The following ANKRD44 variants were observed in gnomAD, a reference collection of about 807,000 sequenced individuals.
The protein encoded by ANKRD44 is ankyrin repeat domain 44, also known as serine/threonine-protein phosphatase 6 regulatory ankyrin repeat subunit B.
In ANKRD44, 35 loss-of-function variants were observed where a neutral mutation model predicts 116.0. The ratio of observed to expected loss-of-function variants is 0.30; its 90% CI spans 0.23 to 0.40. The LOEUF (loss-of-function observed/expected upper bound fraction) is 0.40, where lower values mean the gene tolerates loss of function less well. ANKRD44 is among the 10% of genes least tolerant of loss of function. ANKRD44 has a pLI of 1.00. For missense variants in ANKRD44, 1,014 were observed against 1,242.6 expected (o/e 0.82, Z 2.77); for synonymous variants, 435 against 461.8 (o/e 0.94, Z 0.74).
At chr2:197,097,285 A>C (rs897391189) in intron 10 of ANKRD44, among the ~76,000 whole-genome samples, 18 of 152,198 alleles carry the variant, frequency 1.2e-4, no homozygotes, top group African/African-American at 4.3e-4. Flanking sequence ...AAAATTTCCC[A>C]AGTAACCCAA....
chr2:197,147,230 A>C, intron 2 of ANKRD44, 125 bp from the exon 3 acceptor site: 1 of 702,310 alleles, frequency 1.4e-6, no homozygotes, highest in Non-Finnish European at 2.5e-6. Context: ...AACACCAAAC[A>C]TTCGAGTAAC....
intron 24 of ANKRD44, 123 bp from the exon 25 acceptor site, chr2:196,998,542 T>A (rs1553613849): frequency 4.0e-6 from 3 of 747,406 alleles, no homozygotes; most frequent in Non-Finnish European, 6.6e-6. Flanking sequence ...ATATTTAATG[T>A]ATTTAAAGAA....
Position 196,988,135 on chromosome 2 carries a change from G to A in ANKRD44, c.*1456C>T. On this transcript the variant is annotated 3_prime_UTR_variant, in exon 28 of 28. Coordinates refer to ENST00000282272, the MANE Select transcript of ANKRD44 (RefSeq NM_001195144.2). ...TCTCATGGTGAGTCACTGCTTTGCTGAAATGATTCTTGTACTCTCTGCTAC... is the reference window on the plus strand; with the variant it reads ...TCTCATGGTGAGTCACTGCTTTGCTAAAATGATTCTTGTACTCTCTGCTAC... 1.0e-6 allele frequency: 1 copy of A among 985,322 alleles called. No homozygotes were observed. The highest frequency in any genetic ancestry group is 1.2e-6 in the Non-Finnish European group (1 of 829,904). The allele number at this position is 985,322 out of a possible 1,614,324, so 61.0% of individuals were successfully genotyped here. A position where few individuals can be genotyped will look rare whatever the true frequency, so the allele number is the denominator to read the frequency against.
chr2:197,204,378 A>G (rs560581351), intron 1 of ANKRD44, among the ~76,000 whole-genome samples: 1 of 152,310 alleles, frequency 6.6e-6, no homozygotes, highest in East Asian at 1.9e-4. Context: ...ATTGTTAACT[A>G]TCATTTTTGT....
chr2:196,997,808 GA>G (rs34898441), intron 25 of ANKRD44, among the ~76,000 whole-genome samples: 2 of 150,332 alleles, frequency 1.3e-5, no homozygotes, highest in Admixed American at 1.3e-4. Flanking sequence ...ACCACTATTT[GA>G]AAAAAAAAAT....
intron 1 of ANKRD44, among the ~76,000 whole-genome samples, chr2:197,246,333 T>C (rs2082189662): frequency 7.6e-6 from 1 of 131,104 alleles, no homozygotes; most frequent in African/African-American, 2.8e-5. Flanking sequence ...ACTACAAGTA[T>C]GCACCACTAC....
intron 18 of ANKRD44, 109 bp downstream of exon 18, chr2:197,013,402 G>T: frequency 1.6e-6 from 2 of 1,265,614 alleles, no homozygotes; most frequent in Non-Finnish European, 2.2e-6. Flanking sequence ...GATGTGGAAA[G>T]AAAATTGATA....
At chr2:196,970,147 A>G (rs917002616) in intron 21 of ANKRD44, among the ~76,000 whole-genome samples, 1 of 152,202 alleles carries the variant, frequency 6.6e-6, no homozygotes, top group African/African-American at 2.4e-5. Flanking sequence ...TCTTGCTCAG[A>G]GGAGAATGGG....
At chr2:197,004,531 T>C (rs1289017854) in intron 21 of ANKRD44, among the ~76,000 whole-genome samples, 1 of 152,110 alleles carries the variant, frequency 6.6e-6, no homozygotes, top group Non-Finnish European at 1.5e-5. Context: ...ATAGCCAGGG[T>C]ACTATTAGAT....
intron 1 of ANKRD44, among the ~76,000 whole-genome samples, chr2:197,234,232 G>A (rs1175112308): frequency 1.3e-5 from 2 of 148,512 alleles, no homozygotes; most frequent in African/African-American, 2.5e-5. Context: ...TTACTTAGTC[G>A]CCCAGGCTGG....
chr2:197,250,184 C>T (rs1386927859), intron 1 of ANKRD44, among the ~76,000 whole-genome samples: 6 of 152,184 alleles, frequency 3.9e-5, no homozygotes, highest in African/African-American at 1.4e-4. Context: ...ACCATCTTCT[C>T]GCTCTGCCAG....
chr2:197,300,865 G>A (rs1212332558), intron 1 of ANKRD44: 2 of 147,794 alleles, frequency 1.4e-5, no homozygotes, highest in East Asian at 2.1e-4. Context: ...CCAGGTTCAA[G>A]CAATTCTCCT....
intron 17 of ANKRD44, among the ~76,000 whole-genome samples, chr2:197,020,584 T>C (rs1190136154): frequency 6.6e-6 from 1 of 152,202 alleles, no homozygotes; most frequent in Non-Finnish European, 1.5e-5. Context: ...ATCAAAGCCA[T>C]CCTGGGCACA....
At chr2:197,187,540 A>C (rs933307184) in intron 1 of ANKRD44, among the ~76,000 whole-genome samples, 2 of 152,214 alleles carry the variant, frequency 1.3e-5, no homozygotes, top group Non-Finnish European at 1.5e-5. Flanking sequence ...CAGGGCCTTT[A>C]AGGAGATAAT....
intron 1 of ANKRD44, among the ~76,000 whole-genome samples, chr2:197,204,337 C>T (rs2081159588): frequency 6.6e-6 from 1 of 151,922 alleles, no homozygotes; most frequent in Non-Finnish European, 1.5e-5. Flanking sequence ...TTTGTAATTT[C>T]CAAATTTTCT....
chr2:197,209,315 A>C (rs567069439), intron 1 of ANKRD44, among the ~76,000 whole-genome samples: 1 of 152,374 alleles, frequency 6.6e-6, no homozygotes, highest in African/African-American at 2.4e-5. Flanking sequence ...ATCCTGCTTC[A>C]GCCCTGCTAA....
chr2:197,076,515 C>A (rs918301753), intron 16 of ANKRD44, among the ~76,000 whole-genome samples: 2 of 152,092 alleles, frequency 1.3e-5, no homozygotes, highest in African/African-American at 2.4e-5. Flanking sequence ...TTTAAAAAAA[C>A]TTTTAGGTTC....
At chr2:197,165,496 G>A (rs1375306180) in intron 2 of ANKRD44, among the ~76,000 whole-genome samples, 1 of 152,214 alleles carries the variant, frequency 6.6e-6, no homozygotes, top group African/African-American at 2.4e-5. Context: ...AAGTGTCTCT[G>A]ATCTCAGGTT....
intron 3 of ANKRD44, among the ~76,000 whole-genome samples, chr2:197,141,195 C>A (rs1183245672): frequency 1.3e-5 from 2 of 151,990 alleles, no homozygotes; most frequent in South Asian, 4.2e-4. Flanking sequence ...CCAGCCTGGG[C>A]GACAGAGCAA....
Sources: allele counts gnomAD v4.1 joint callset (sites outside exome capture counted in the v4.1 genomes callset), GRCh38; gene constraint gnomAD v4.1.1; transcripts MANE v1.5; gene names NCBI Gene and HGNC (gene_info 2026-07-23, HGNC 2026-07-21).